SFTPD: variants seen among roughly 807,000 people sequenced by gnomAD.
SFTPD encodes the protein pulmonary surfactant-associated protein D.
SFTPD carries 18 observed loss-of-function variants against 34.6 expected under a neutral mutation model. That is an observed-to-expected ratio of 0.52 (90% CI 0.36 to 0.77). The LOEUF (loss-of-function observed/expected upper bound fraction) is 0.77. SFTPD is among the 30% of genes least tolerant of loss of function. The pLI is 0.00. For missense variants in SFTPD, 433 were observed against 468.9 expected (o/e 0.92, Z 0.71); for synonymous variants, 155 against 180.9 (o/e 0.86, Z 1.15).
chr10:79,957,008 T>TCC (rs2132510940), intron 1 of SFTPD, among the ~76,000 whole-genome samples: 1 of 150,978 alleles, frequency 6.6e-6, no homozygotes, highest in Non-Finnish European at 1.5e-5. Flanking sequence ...TCCGCTGTTC[T>TCC]ACAGCCACCG....
intron 2 of SFTPD, among the ~76,000 whole-genome samples, chr10:79,946,044 G>A (rs972678257): frequency 6.6e-6 from 1 of 150,564 alleles, no homozygotes; most frequent in Non-Finnish European, 1.5e-5. Flanking sequence ...CTTGAGAATG[G>A]AGCCATGGAG....
intron 1 of SFTPD, among the ~76,000 whole-genome samples, chr10:79,954,426 T>TG (rs140823726): frequency 0.15 from 22,235 of 152,148 alleles, 2,039 homozygotes; most frequent in East Asian, 0.41. Flanking sequence ...TGTCCGCACA[T>TG]GGAGGACCTG....
chr10:79,945,732 A>T (rs1458551709), intron 2 of SFTPD, among the ~76,000 whole-genome samples: 1 of 152,222 alleles, frequency 6.6e-6, no homozygotes, highest in Admixed American at 6.5e-5. Context: ...GGTAGATATC[A>T]TTCCCATTAC....
rs566166755 is a variant in SFTPD, at chr10:79,942,786, G to C, written c.293C>G (p.Pro98Arg). ...ACCACTTGGCCCAGTGTCTCCCTTT[G>C]GTCCAGGTTCTCCAACAGAGCCATT... Reference protein sequence around the residue: ...GDNGSVGEPGPKGDTGPSGPP... With the variant: ...GDNGSVGEPGRKGDTGPSGPP... Residue 98 changes from proline (P) to arginine (R), a missense_variant, in exon 3 of 8, where the codon CCA (proline) becomes CGA (arginine). Coordinates refer to ENST00000372292, the MANE Select transcript of SFTPD (RefSeq NM_003019.5). 10 of 1,612,170 alleles carry C rather than the reference G, an allele frequency of 6.2e-6. No individual in the cohort carries two copies. The South Asian group carries it at 6.6e-5, about 11-fold the overall frequency.
At chr10:79,958,710 C>A (rs200238110) in intron 1 of SFTPD, among the ~76,000 whole-genome samples, 1 of 152,126 alleles carries the variant, frequency 6.6e-6, no homozygotes, top group African/African-American at 2.4e-5. Context: ...CTTTAACACC[C>A]CACTGTCAAC....
intron 1 of SFTPD, among the ~76,000 whole-genome samples, chr10:79,947,043 C>T (rs1042783662): frequency 1.3e-5 from 2 of 152,210 alleles, no homozygotes; most frequent in Admixed American, 6.5e-5. Context: ...GGACACCCCC[C>T]GCCCACTCCC....
intron 1 of SFTPD, among the ~76,000 whole-genome samples, chr10:79,975,598 AG>A (rs1842860176): frequency 6.6e-6 from 1 of 152,156 alleles, no homozygotes; most frequent in African/African-American, 2.4e-5. Context: ...TCAGTCGGGG[AG>A]ACCCTAACCC....
chr10:79,947,846 C>T (rs887361710), intron 1 of SFTPD, among the ~76,000 whole-genome samples: 2 of 152,186 alleles, frequency 1.3e-5, no homozygotes, highest in African/African-American at 4.8e-5. Context: ...AGAGCAGGAC[C>T]TGGGACATTA....
intron 7 of SFTPD, among the ~76,000 whole-genome samples, chr10:79,938,694 C>T (rs1842581651): frequency 2.0e-5 from 3 of 152,114 alleles, no homozygotes; most frequent in African/African-American, 7.2e-5. Flanking sequence ...CCACTGTCAC[C>T]CTGTACAACA....
intron 2 of SFTPD, among the ~76,000 whole-genome samples, chr10:79,945,836 A>C (rs1161472637): frequency 6.6e-6 from 1 of 151,812 alleles, no homozygotes. Context: ...CGTCCTTTCC[A>C]CCTCCAGAAT....
chr10:79,955,506 C>G (rs1052974770), intron 1 of SFTPD, among the ~76,000 whole-genome samples: 1 of 152,180 alleles, frequency 6.6e-6, no homozygotes, highest in African/African-American at 2.4e-5. Context: ...TCTGCAAAAT[C>G]TTGAAGCTTG....
chr10:79,951,578 G>T (rs1241392531), upstream of SFTPD, among the ~76,000 whole-genome samples: 1 of 152,122 alleles, frequency 6.6e-6, no homozygotes, highest in East Asian at 1.9e-4. Flanking sequence ...CCTTCTGAGG[G>T]GCTGGGAATG....
intron 1 of SFTPD, among the ~76,000 whole-genome samples, chr10:79,958,530 A>T (rs1842753263): frequency 6.6e-6 from 1 of 152,230 alleles, no homozygotes; most frequent in South Asian, 2.1e-4. Flanking sequence ...ACCAACAAAG[A>T]TCAAAAGAGA....
chr10:79,960,171 A>G (rs1326269328), intron 1 of SFTPD, among the ~76,000 whole-genome samples: 2 of 151,410 alleles, frequency 1.3e-5, no homozygotes, highest in East Asian at 1.9e-4. Context: ...ATCTATGACA[A>G]ACCCACAGCC....
chr10:79,977,340 G>T (rs1054142150), intron 1 of SFTPD, among the ~76,000 whole-genome samples: 2 of 152,172 alleles, frequency 1.3e-5, no homozygotes, highest in Non-Finnish European at 2.9e-5. Flanking sequence ...GAAACCTGAG[G>T]CCAGAGAGCA....
Position 79,957,695 on chromosome 10 carries a change from T to C in SFTPD, c.37-11033A>G, listed in dbSNP as rs1168046634. ...CTGATTGGTGTACCTGAAAGTGACA[T>C]GGAGAATGGAACCAAGCTGGAAAAC... On this transcript the variant is annotated intron_variant, in intron 1 of 5. Coordinates refer to the SFTPD transcript ENST00000444384. 3.3e-5 allele frequency among the ~76,000 whole-genome samples: 5 copies of C among 152,298 alleles called. No homozygotes were observed. In the South Asian group the frequency reaches 1.0e-3, roughly 32 times the overall value.
intron 1 of SFTPD, 123 bp from the exon 2 acceptor site, chr10:79,946,785 G>C: frequency 2.4e-6 from 2 of 838,732 alleles, no homozygotes; most frequent in African/African-American, 1.7e-5. Flanking sequence ...CTGCTATGGG[G>C]CCTAGAGCAG....
At chr10:79,961,534 C>A (rs1388471477) in intron 1 of SFTPD, among the ~76,000 whole-genome samples, 1 of 152,116 alleles carries the variant, frequency 6.6e-6, no homozygotes, top group Non-Finnish European at 1.5e-5. Context: ...TCAACAAACA[C>A]ATGAAAAAAT....
chr10:79,974,231 G>A (rs1013446292), intron 1 of SFTPD, among the ~76,000 whole-genome samples: 6 of 151,978 alleles, frequency 3.9e-5, no homozygotes, highest in Non-Finnish European at 7.4e-5. Context: ...GCAGTGGCAC[G>A]ATCTCGGCTC....
Sources: gnomAD v4.1 joint callset for allele counts (sites outside exome capture counted in the v4.1 genomes callset) on GRCh38, gnomAD v4.1.1 for gene constraint, MANE v1.5 for transcripts, NCBI Gene and HGNC (gene_info 2026-07-23, HGNC 2026-07-21) for gene names.